Variants in KALRN observed in about 807,000 individuals in gnomAD.
KALRN encodes kalirin.
KALRN carries 70 observed loss-of-function variants against 353.7 expected under a neutral mutation model. The ratio of observed to expected loss-of-function variants is 0.20; its 90% confidence interval spans 0.16 to 0.24. KALRN has a LOEUF of 0.24. KALRN is among the 10% of genes least tolerant of loss of function. The pLI is 1.00. For missense variants in KALRN, 2,791 were observed against 3,756.7 expected, an observed-to-expected ratio of 0.74 and a Z score of 6.72; for synonymous variants, 1,391 against 1,434.8, an observed-to-expected ratio of 0.97 and a Z score of 0.69.
intron 1 of KALRN, among the ~76,000 whole-genome samples, chr3:124,173,836 G>T (rs141626526): frequency 6.6e-6 from 1 of 151,876 alleles, no homozygotes; most frequent in Non-Finnish European, 1.5e-5. Flanking sequence ...GGATGGTCTC[G>T]AGCTCCTGAC....
At chr3:124,390,447 C>G (rs952619871) in intron 11 of KALRN, among the ~76,000 whole-genome samples, 5 of 152,260 alleles carry the variant, frequency 3.3e-5, no homozygotes, top group African/African-American at 1.2e-4. Context: ...ACAGACACTC[C>G]CATATACACA....
At chr3:124,408,463 G>A (rs664812) in intron 13 of KALRN, among the ~76,000 whole-genome samples, 90,895 of 152,040 alleles carry the variant, frequency 0.6, 28,349 homozygotes, top group East Asian at 0.78. Context: ...GACCATGGGA[G>A]AAACTATATG....
chr3:124,113,438 G>A (rs2063174802), intron 1 of KALRN, among the ~76,000 whole-genome samples: 3 of 152,174 alleles, frequency 2.0e-5, no homozygotes, highest in African/African-American at 7.2e-5. Context: ...AAAGGGTACG[G>A]AGATAGAATA....
chr3:124,255,955 C>T (rs543240419), intron 3 of KALRN, among the ~76,000 whole-genome samples: 7 of 152,000 alleles, frequency 4.6e-5, no homozygotes, highest in Non-Finnish European at 1.0e-4. Flanking sequence ...TCTGTTTTAG[C>T]GAGGAGGAGA....
At chr3:124,132,644 GT>G (rs2065436685) in intron 1 of KALRN, among the ~76,000 whole-genome samples, 1 of 152,212 alleles carries the variant, frequency 6.6e-6, no homozygotes, top group Non-Finnish European at 1.5e-5. Context: ...AGGTGACTTT[GT>G]TGTGTCTGGG....
rs571969030 is a variant in KALRN at position 124,624,124 on chromosome 3, C to T, written c.5183-8296C>T. Reference sequence around the variant, plus strand: ...GATGAAATGTCACACCATCCTACTCCGTCCTGCCCAGGATGTGAATCTGAA... The same window carrying T: ...GATGAAATGTCACACCATCCTACTCTGTCCTGCCCAGGATGTGAATCTGAA... On this transcript the variant is annotated intron_variant, in intron 34 of 59. Coordinates refer to ENST00000682506, the MANE Select transcript of KALRN (RefSeq NM_001388419.1). Among the ~76,000 whole-genome samples, 75 of 152,310 alleles carry T rather than the reference C, an allele frequency of 4.9e-4. 1 individual carries two copies. Among genetic ancestry groups the T allele is most frequent in the South Asian group, 1.9e-3 (9 of 4,818 alleles).
At chr3:124,581,391 C>CA (rs5852421) in intron 34 of KALRN, among the ~76,000 whole-genome samples, 51,693 of 137,310 alleles carry the variant, frequency 0.38, 11,139 homozygotes, top group African/African-American at 0.61. Context: ...AGACTCTGCT[C>CA]AAAAAAAAAA....
At chr3:124,194,433 G>A (rs897396871) in intron 1 of KALRN, among the ~76,000 whole-genome samples, 10 of 151,916 alleles carry the variant, frequency 6.6e-5, no homozygotes, top group African/African-American at 1.9e-4. Context: ...GACAAGTTAC[G>A]AGCCTCCCGA....
At chr3:124,084,108 G>A (rs2060681126) in intron 1 of KALRN, among the ~76,000 whole-genome samples, 1 of 152,224 alleles carries the variant, frequency 6.6e-6, no homozygotes, top group South Asian at 2.1e-4. Context: ...ACCCAGAAAT[G>A]GCCGACCTCT....
intron 1 of KALRN, among the ~76,000 whole-genome samples, chr3:124,065,480 G>A (rs2042277773): frequency 6.6e-6 from 1 of 152,164 alleles, no homozygotes; most frequent in African/African-American, 2.4e-5. Context: ...ATTTATGGGT[G>A]AAATGTCAGG....
At chr3:124,624,125 G>A (rs770015819) in intron 34 of KALRN, among the ~76,000 whole-genome samples, 4 of 152,162 alleles carry the variant, frequency 2.6e-5, no homozygotes, top group Admixed American at 2.0e-4. Flanking sequence ...ATCCTACTCC[G>A]TCCTGCCCAG....
Position 124,632,484 on chromosome 3 carries a change from C to T in KALRN, c.5247C>T (p.Ala1749=). 6.2e-7 allele frequency: 1 copy of T among 1,614,118 alleles called. No individual in the cohort carries two copies. The highest frequency in any genetic ancestry group is 8.5e-7 in the Non-Finnish European group (1 of 1,179,998). The change falls in exon 35 of 60, where the codon GCC becomes GCT. Residue 1749 remains alanine, a synonymous_variant. Coordinates refer to ENST00000682506, the MANE Select transcript of KALRN (RefSeq NM_001388419.1). The part of the protein sequence containing the change: ...GKSESVANLQ[A]QPSLNSIHSS... ...CCGAGTCCGTGGCCAACCTGCAGGC[C>T]CAGCCCTCCCTGAACTCCATCCACA...
At chr3:124,272,193 A>T (rs2074241591) in intron 5 of KALRN, among the ~76,000 whole-genome samples, 1 of 152,248 alleles carries the variant, frequency 6.6e-6, no homozygotes, top group Non-Finnish European at 1.5e-5. Flanking sequence ...ATTACGTTTT[A>T]AAAATAGCAG....
At chr3:124,205,014 C>G (rs529593614) in intron 1 of KALRN, among the ~76,000 whole-genome samples, 2 of 152,280 alleles carry the variant, frequency 1.3e-5, no homozygotes, top group Non-Finnish European at 2.9e-5. Context: ...TTTTTGTTTG[C>G]AAAGTCTGCA....
At chr3:124,296,936 C>T (rs2076894871) in intron 5 of KALRN, among the ~76,000 whole-genome samples, 1 of 152,250 alleles carries the variant, frequency 6.6e-6, no homozygotes, top group Non-Finnish European at 1.5e-5. Context: ...GTGGCCTCTT[C>T]TGTGCTCCCT....
chr3:124,452,699 T>G (rs1471948505), intron 21 of KALRN, among the ~76,000 whole-genome samples: 1 of 152,210 alleles, frequency 6.6e-6, no homozygotes, highest in Non-Finnish European at 1.5e-5. Flanking sequence ...GTGTCTACAC[T>G]TCCCTCTACC....
At chr3:124,246,462 T>C (rs561331851) in intron 3 of KALRN, among the ~76,000 whole-genome samples, 1 of 151,322 alleles carries the variant, frequency 6.6e-6, no homozygotes, top group Admixed American at 6.6e-5. Flanking sequence ...GGCTTGCTTG[T>C]TTTTTTTTGC....
chr3:124,361,306 A>G (rs1445641), intron 10 of KALRN, among the ~76,000 whole-genome samples: 1,706 of 152,324 alleles, frequency 0.011, 22 homozygotes, highest in African/African-American at 0.037. Flanking sequence ...TCAATGTAAA[A>G]CATACAGACA....
At chr3:124,685,636 C>A (rs1346486986) in intron 51 of KALRN, among the ~76,000 whole-genome samples, 1 of 152,212 alleles carries the variant, frequency 6.6e-6, no homozygotes, top group African/African-American at 2.4e-5. Flanking sequence ...CTTTTCAAAT[C>A]TCTTGACTAT....
Sources: gnomAD v4.1 joint callset for allele counts (sites outside exome capture counted in the v4.1 genomes callset) on GRCh38, gnomAD v4.1.1 for gene constraint, MANE v1.5 for transcripts, NCBI Gene and HGNC (gene_info 2026-07-23, HGNC 2026-07-21) for gene names.